Variants in LIMCH1 observed in about 807,000 individuals in gnomAD.
LIMCH1 encodes LIM and calponin homology domains-containing protein 1.
In LIMCH1, 113 loss-of-function variants were observed where a neutral mutation model predicts 176.5. The observed-to-expected ratio is 0.64, with a 90% CI of 0.55 to 0.75. The LOEUF (loss-of-function observed/expected upper bound fraction) is 0.75, where lower values mean the gene tolerates loss of function less well. Among genes scored for constraint, LIMCH1 ranks in the 30% least tolerant of loss-of-function variants. The pLI is 0.00. For missense variants in LIMCH1, 1,674 were observed against 1,814.9 expected (o/e 0.92, Z 1.41); for synonymous variants, 619 against 645.9 (o/e 0.96, Z 0.63).
At chr4:41,552,495 G>A (rs903400262) in intron 1 of LIMCH1, among the ~76,000 whole-genome samples, 2 of 151,422 alleles carry the variant, frequency 1.3e-5, no homozygotes, top group African/African-American at 4.9e-5. Flanking sequence ...CGTTACTTTG[G>A]AGGCTTTCCC....
intron 1 of LIMCH1, among the ~76,000 whole-genome samples, chr4:41,370,888 C>T (rs1034923749): frequency 1.1e-4 from 17 of 152,028 alleles, no homozygotes; most frequent in Non-Finnish European, 2.2e-4. Context: ...TGTTTATGGC[C>T]GTTTTACAGA....
At chr4:41,445,162 C>T (rs1013712815) in intron 1 of LIMCH1, among the ~76,000 whole-genome samples, 3 of 152,118 alleles carry the variant, frequency 2.0e-5, no homozygotes, top group South Asian at 4.2e-4. Flanking sequence ...CACACCGCCA[C>T]GCCTGGCTAA....
chr4:41,511,231 C>T (rs958077901), intron 2 of LIMCH1, among the ~76,000 whole-genome samples: 2 of 152,214 alleles, frequency 1.3e-5, no homozygotes, highest in Admixed American at 1.3e-4. Context: ...TCCTACAATT[C>T]TCTTTGTGCT....
intron 1 of LIMCH1, among the ~76,000 whole-genome samples, chr4:41,363,225 A>G (rs969894164): frequency 2.6e-5 from 4 of 152,164 alleles, no homozygotes; most frequent in African/African-American, 4.8e-5. Context: ...CTTGTGAACA[A>G]AGATTCCTCA....
At chr4:41,597,616 G>A (rs1175481306) in intron 1 of LIMCH1, among the ~76,000 whole-genome samples, 1 of 152,124 alleles carries the variant, frequency 6.6e-6, no homozygotes, top group East Asian at 1.9e-4. Flanking sequence ...CATCTTCCAA[G>A]CTCCTTCCAA....
rs749509256 is a variant in LIMCH1 at position 41,650,656 on chromosome 4, G to C, written c.3036+48G>C. On this transcript the variant is annotated intron_variant, in intron 18 of 31. Transcript: ENST00000503057. The stretch of plus-strand genomic sequence containing the variant: ...CCTCCCTTTGGGATAATTCCATGGT[G>C]AAAGAATCTGTTTTTAAAAATAAGT... The C allele has an allele frequency of 4.8e-6, 7 of 1,455,278 alleles. No individual in the cohort carries two copies. In the East Asian group the frequency reaches 1.4e-4, roughly 29 times the overall value. 90.1% of individuals were successfully genotyped at this position (1,455,278 alleles called of 1,614,324 possible).
intron 1 of LIMCH1, among the ~76,000 whole-genome samples, chr4:41,446,727 A>G (rs1415000464): frequency 6.6e-6 from 1 of 152,262 alleles, no homozygotes; most frequent in Non-Finnish European, 1.5e-5. Context: ...GTAACACATT[A>G]TATAAAGATA....
intron 4 of LIMCH1, among the ~76,000 whole-genome samples, chr4:41,608,628 A>C (rs1340277415): frequency 6.6e-6 from 1 of 152,148 alleles, no homozygotes; most frequent in African/African-American, 2.4e-5. Flanking sequence ...CCTTGGCATA[A>C]AGTCTGGCAT....
rs1285749847 is a variant in LIMCH1 at position 41,697,794 on chromosome 4, A to G, written c.*609A>G. On this transcript the variant is annotated 3_prime_UTR_variant, in exon 32 of 32. Transcript: ENST00000503057. ...TTGGAGGTAGAAATTATACCAATAA[A>G]TTATTGCACCGTTAGTATTAGATTC... 1 of 152,290 alleles carries G rather than the reference A, an allele frequency of 6.6e-6. No individual in the cohort carries two copies. The highest frequency in any genetic ancestry group is 2.4e-5 in the African/African-American group (1 of 41,458). 9.4% of individuals were successfully genotyped at this position (152,290 alleles called of 1,614,324 possible).
intron 1 of LIMCH1, among the ~76,000 whole-genome samples, chr4:41,416,942 CT>C (rs2059992395): frequency 6.6e-6 from 1 of 152,126 alleles, no homozygotes; most frequent in Non-Finnish European, 1.5e-5. Context: ...GATCCCTGCA[CT>C]TGGCCTGCAA....
Position 41,689,531 on chromosome 4 carries a change from A to G in LIMCH1, c.4171A>G (p.Ile1391Val), listed in dbSNP as rs186440832. ...TPPGQSPNRS[I>V]SGKKLCSSCG... ...TATGTATATTTTTAAACCTAGGTCT[A>G]TAAGTGGAAAGAAGCTGTGCTCTTC... The change falls in exon 30 of 32, where the codon ATA (isoleucine) becomes GTA (valine). Residue 1391 changes from isoleucine (I) to valine (V), a missense_variant. This residue lies in a region of LIMCH1 where 1,015 missense variants were observed against 1,102.5 expected (regional missense o/e 0.92). Coordinates refer to ENST00000503057, the MANE Select transcript of LIMCH1 (RefSeq NM_001330672.2). 21 of 1,587,438 alleles carry G rather than the reference A, an allele frequency of 1.3e-5. No homozygotes were observed. The East Asian group carries it at 4.0e-4, about 30-fold the overall frequency.
chr4:41,642,561 T>C (rs1026113090), intron 14 of LIMCH1, among the ~76,000 whole-genome samples: 2 of 151,826 alleles, frequency 1.3e-5, no homozygotes, highest in African/African-American at 4.8e-5. Context: ...CATTCTTTAT[T>C]TTATTTTATT....
At chr4:41,486,848 C>T (rs2154170493) in intron 1 of LIMCH1, among the ~76,000 whole-genome samples, 2 of 150,342 alleles carry the variant, frequency 1.3e-5, no homozygotes, top group South Asian at 4.2e-4. Context: ...GTGGTGTGAT[C>T]TCGGCTCACT....
chr4:41,513,473 T>C (rs1033943158), intron 2 of LIMCH1, among the ~76,000 whole-genome samples: 22 of 152,154 alleles, frequency 1.4e-4, no homozygotes, highest in African/African-American at 4.3e-4. Flanking sequence ...GTGTATCCGG[T>C]GGTACATAAA....
At chr4:41,540,182 T>C (rs1301743764) in intron 1 of LIMCH1, among the ~76,000 whole-genome samples, 1 of 152,146 alleles carries the variant, frequency 6.6e-6, no homozygotes, top group Non-Finnish European at 1.5e-5. Context: ...CCTTATGTGG[T>C]TTTCATGAAG....
rs148661711 is a variant in LIMCH1, at chr4:41,539,594, C to T, written c.-241+1244C>T. ...CAATACATCTCCTCAATCTAATCAT[C>T]GGGCAGAGAGGGACTTCCTAACACC... On this transcript the variant is annotated intron_variant, in intron 1 of 31. Coordinates refer to ENST00000503057, the MANE Select transcript of LIMCH1 (RefSeq NM_001330672.2). Among the ~76,000 whole-genome samples, 262 of 152,332 alleles carry T rather than the reference C, an allele frequency of 1.7e-3. 1 individual carries two copies. Among genetic ancestry groups the T allele is most frequent in the African/African-American group, 6.0e-3 (250 of 41,580 alleles).
At chr4:41,654,934 A>G (rs2094422329) in intron 18 of LIMCH1, among the ~76,000 whole-genome samples, 1 of 152,034 alleles carries the variant, frequency 6.6e-6, no homozygotes. Flanking sequence ...CTTTTTTTTC[A>G]TTTAAAAATA....
intron 1 of LIMCH1, among the ~76,000 whole-genome samples, chr4:41,373,602 T>C (rs1377388688): frequency 2.6e-5 from 4 of 152,252 alleles, no homozygotes; most frequent in Non-Finnish European, 5.9e-5. Flanking sequence ...TCAACCATCC[T>C]ATGAGCTAGC....
intron 7 of LIMCH1, among the ~76,000 whole-genome samples, chr4:41,625,748 A>G (rs1387192065): frequency 6.6e-6 from 1 of 152,206 alleles, no homozygotes; most frequent in Non-Finnish European, 1.5e-5. Context: ...TGGGTTCACA[A>G]GATGCACAAG....
Sources: gnomAD v4.1 joint callset for allele counts (sites outside exome capture counted in the v4.1 genomes callset) on GRCh38, gnomAD v4.1.1 for gene constraint, gnomAD v4.1.1 regional missense constraint, MANE v1.5 for transcripts, NCBI Gene and HGNC (gene_info 2026-07-23, HGNC 2026-07-21) for gene names.